The following FAM174A variants were observed in gnomAD, a reference collection of about 807,000 sequenced individuals.
FAM174A encodes family with sequence similarity 174 member A.
FAM174A carries 14 observed loss-of-function variants against 14.3 expected under a neutral mutation model. That is an observed-to-expected ratio of 0.98 (90% CI 0.65 to 1.53). The LOEUF (loss-of-function observed/expected upper bound fraction) is 1.53. Ranked by LOEUF, FAM174A falls within the 40% of genes most tolerant of loss-of-function variation. The probability of loss-of-function intolerance (pLI) is 0.00; values close to 1 mark genes in which losing one functional copy is unlikely to be tolerated. For synonymous variants in FAM174A, 108 were observed against 111.4 expected, an observed-to-expected ratio of 0.97 and a Z score of 0.19; for missense variants, 241 against 249.6, an observed-to-expected ratio of 0.97 and a Z score of 0.23.
chr5:100,569,976 C>G (rs188015354), intron 2 of FAM174A, among the ~76,000 whole-genome samples: 3 of 151,930 alleles, frequency 2.0e-5, no homozygotes, highest in Admixed American at 2.0e-4. Flanking sequence ...TTAAAATGAG[C>G]AATAAGGATG....
intron 2 of FAM174A, among the ~76,000 whole-genome samples, chr5:100,562,431 CTTTTA>C (rs559036642): frequency 1.6e-3 from 241 of 151,824 alleles, no homozygotes; most frequent in Middle Eastern, 0.014. Context: ...CTGTTTTTAT[CTTTTA>C]TTTTAAGTTC....
chr5:100,546,439 A>G (rs578008351), intron 1 of FAM174A, among the ~76,000 whole-genome samples: 4 of 152,280 alleles, frequency 2.6e-5, no homozygotes, highest in South Asian at 4.1e-4. Context: ...TATCTACCGT[A>G]TGAAGTGATA....
chr5:100,536,039 T>A, intron 1 of FAM174A, 75 bp downstream of exon 1: 1 of 1,340,202 alleles, frequency 7.5e-7, no homozygotes, highest in Non-Finnish European at 1.0e-6. Context: ...AAGGCTGACT[T>A]CTGTGACCCT....
At chr5:100,551,180 C>G (rs529314205) in intron 1 of FAM174A, among the ~76,000 whole-genome samples, 1 of 152,106 alleles carries the variant, frequency 6.6e-6, no homozygotes, top group Non-Finnish European at 1.5e-5. Flanking sequence ...TTAGGAAGTA[C>G]AATCAATAAT....
chr5:100,585,122 C>T (rs571037285), intron 2 of FAM174A, among the ~76,000 whole-genome samples: 19 of 152,226 alleles, frequency 1.2e-4, no homozygotes, highest in Non-Finnish European at 2.1e-4. Flanking sequence ...ATACCAACAA[C>T]GCTTGAGCTC....
At chr5:100,579,928 T>C (rs1017810625) in intron 2 of FAM174A, among the ~76,000 whole-genome samples, 1 of 152,236 alleles carries the variant, frequency 6.6e-6, no homozygotes, top group African/African-American at 2.4e-5. Context: ...TTGGCAAGCA[T>C]GTATGGGATT....
intron 1 of FAM174A, among the ~76,000 whole-genome samples, chr5:100,543,134 A>G (rs977917995): frequency 2.0e-5 from 3 of 152,110 alleles, no homozygotes; most frequent in African/African-American, 7.2e-5. Flanking sequence ...ATTCCAGTCC[A>G]TTAGATATAC....
chr5:100,547,570 TAGTG>T (rs756068306), intron 1 of FAM174A, among the ~76,000 whole-genome samples: 4 of 152,118 alleles, frequency 2.6e-5, no homozygotes, highest in African/African-American at 7.2e-5. Flanking sequence ...TATGAAAAGT[TAGTG>T]AGCTTTTTGG....
rs1440735963 is a variant in FAM174A, at chr5:100,535,660, G to T, written c.130G>T (p.Gly44Trp). 1.7e-5 allele frequency: 28 copies of T among 1,612,448 alleles called. No individual in the cohort carries two copies. The highest frequency in any genetic ancestry group is 2.3e-5 in the Non-Finnish European group (27 of 1,179,892). The change falls in exon 1 of 3, where the codon GGG (glycine) becomes TGG (tryptophan). Residue 44 changes from glycine to tryptophan, a missense_variant. Transcript: ENST00000312637. ...LQAAEAAPGL[G>W]PPDPRPRTLP... ...GGCAGCCGAGGCCGCGCCAGGTCTT[G>T]GGCCTCCTGACCCTAGACCACGGAC...
In FAM174A at chr5:100,535,657, C is replaced by G; in HGVS notation, c.127C>G (p.Leu43Val). The G allele has an allele frequency of 6.2e-7, 1 of 1,612,648 alleles. No homozygotes were observed. Among genetic ancestry groups the G allele is most frequent in the Admixed American group, 1.7e-5 (1 of 60,018 alleles). ...GCAGGCAGCCGAGGCCGCGCCAGGT[C>G]TTGGGCCTCCTGACCCTAGACCACG... is the stretch of plus-strand genomic sequence containing the variant. ...LLQAAEAAPG[L>V]GPPDPRPRTL... Residue 43 changes from leucine (L) to valine (V), a missense_variant, in exon 1 of 3, where the codon CTT (leucine) becomes GTT (valine). Physicochemically the swap from Leu to Val is conservative, Grantham distance 32. Coordinates refer to ENST00000312637, the MANE Select transcript of FAM174A (RefSeq NM_198507.3).
At chr5:100,543,598 T>G (rs1223800065) in intron 1 of FAM174A, among the ~76,000 whole-genome samples, 1 of 152,130 alleles carries the variant, frequency 6.6e-6, no homozygotes, top group Non-Finnish European at 1.5e-5. Context: ...TCAGATTTTT[T>G]GGTGTTTTTG....
chr5:100,552,380 G>A (rs1404555369), intron 1 of FAM174A, among the ~76,000 whole-genome samples: 1 of 151,886 alleles, frequency 6.6e-6, no homozygotes, highest in Admixed American at 6.6e-5. Flanking sequence ...GTGTGTATAT[G>A]TGTGTGTATA....
chr5:100,556,616 A>C lies in FAM174A; in HGVS notation c.435-5438A>C, dbSNP rs539563866. ...ATTTCTTTGTATCCTCTTTTATTTC[A>C]TTGAGCAGTGGTTTGTAGTTCTCCT... On this transcript the variant is annotated intron_variant, in intron 1 of 2. Coordinates refer to ENST00000312637, the MANE Select transcript of FAM174A (RefSeq NM_198507.3). Among the ~76,000 whole-genome samples the C allele has an allele frequency of 4.6e-4, 70 of 152,038 alleles. 1 individual carries two copies. The South Asian group carries it at 7.7e-3, about 17-fold the overall frequency.
intron 2 of FAM174A, among the ~76,000 whole-genome samples, chr5:100,579,992 C>T (rs1326372224): frequency 1.3e-5 from 2 of 152,114 alleles, no homozygotes; most frequent in South Asian, 2.1e-4. Context: ...TTATAGTTTA[C>T]TATTCTCTTT....
intron 2 of FAM174A, among the ~76,000 whole-genome samples, chr5:100,568,409 T>C (rs1746707752): frequency 6.6e-6 from 1 of 151,840 alleles, no homozygotes; most frequent in African/African-American, 2.4e-5. Flanking sequence ...TGCAACTGGG[T>C]TGACTTTGTT....
chr5:100,559,538 A>C (rs961984439), intron 1 of FAM174A, among the ~76,000 whole-genome samples: 6 of 152,078 alleles, frequency 3.9e-5, no homozygotes, highest in Admixed American at 1.3e-4. Flanking sequence ...TATCCTGCAG[A>C]GTATTTTCCA....
chr5:100,552,772 T>C (rs1265909549), intron 1 of FAM174A, among the ~76,000 whole-genome samples: 2 of 152,126 alleles, frequency 1.3e-5, no homozygotes, highest in African/African-American at 2.4e-5. Flanking sequence ...ATTGGAACAT[T>C]AAGGAATCTG....
At chr5:100,582,572 TA>T (rs892642486) in intron 2 of FAM174A, among the ~76,000 whole-genome samples, 1 of 152,088 alleles carries the variant, frequency 6.6e-6, no homozygotes, top group Non-Finnish European at 1.5e-5. Context: ...TAAGTAGTAG[TA>T]AAGTTGTATA....
intron 2 of FAM174A, among the ~76,000 whole-genome samples, chr5:100,566,460 AGT>A (rs1226328843): frequency 6.6e-6 from 1 of 151,642 alleles, no homozygotes; most frequent in Non-Finnish European, 1.5e-5. Flanking sequence ...ATGCAAAATG[AGT>A]AAGTTCATTT....
Sources: gnomAD v4.1 joint callset for allele counts (sites outside exome capture counted in the v4.1 genomes callset) on GRCh38, gnomAD v4.1.1 for gene constraint, MANE v1.5 for transcripts, NCBI Gene and HGNC (gene_info 2026-07-23, HGNC 2026-07-21) for gene names.